Variants in ENOX1 observed in about 807,000 individuals in gnomAD.
ENOX1 encodes ecto-NOX disulfide-thiol exchanger 1.
In ENOX1, 42 loss-of-function variants were observed where a neutral mutation model predicts 82.5. The observed-to-expected ratio is 0.51, with a 90% CI of 0.40 to 0.66. The LOEUF (loss-of-function observed/expected upper bound fraction) is 0.66. Among genes scored for constraint, ENOX1 ranks in the 30% least tolerant of loss-of-function variants. The pLI, the probability that ENOX1 is intolerant of heterozygous loss-of-function variation, is 0.00. For synonymous variants in ENOX1, 271 were observed against 282.2 expected (o/e 0.96, Z 0.40); for missense variants, 608 against 811.6 (o/e 0.75, Z 3.05).
At chr13:43,616,204 A>T (rs868846599) in intron 2 of ENOX1, among the ~76,000 whole-genome samples, 258 of 15,214 alleles carry the variant, frequency 0.017, 9 homozygotes, top group African/African-American at 0.027. Flanking sequence ...ATATATATAT[A>T]TTTTTTTTTT....
chr13:43,314,638 T>C (rs2047380165), intron 11 of ENOX1, among the ~76,000 whole-genome samples: 1 of 152,258 alleles, frequency 6.6e-6, no homozygotes, highest in Non-Finnish European at 1.5e-5. Context: ...GTGTATGTTT[T>C]AATGTGGCCT....
chr13:43,261,978 T>C (rs1315484719), intron 14 of ENOX1, among the ~76,000 whole-genome samples: 1 of 151,630 alleles, frequency 6.6e-6, no homozygotes, highest in Non-Finnish European at 1.5e-5. Context: ...ACCCTAAAAC[T>C]TAAAGTATAA....
chr13:43,376,086 T>C (rs1020960093), intron 5 of ENOX1, among the ~76,000 whole-genome samples: 9 of 152,186 alleles, frequency 5.9e-5, no homozygotes, highest in African/African-American at 2.2e-4. Flanking sequence ...AAAAGAAATA[T>C]TAGCTTGGAC....
intron 2 of ENOX1, among the ~76,000 whole-genome samples, chr13:43,606,782 G>A (rs143457127): frequency 6.6e-6 from 1 of 152,168 alleles, no homozygotes; most frequent in Non-Finnish European, 1.5e-5. Context: ...TTGGGAGGCT[G>A]AAGTGGGCGA....
chr13:43,282,513 C>G (rs2045447997), intron 12 of ENOX1, among the ~76,000 whole-genome samples: 1 of 150,886 alleles, frequency 6.6e-6, no homozygotes. Flanking sequence ...AGTGGCTCGA[C>G]TGCAGCCTCG....
intron 8 of ENOX1, among the ~76,000 whole-genome samples, chr13:43,353,880 T>C (rs1180089418): frequency 1.3e-5 from 2 of 152,262 alleles, no homozygotes. Context: ...TGGCAAGGCT[T>C]GCAAATTACT....
chr13:43,759,053 A>C (rs531894214), intron 1 of ENOX1, among the ~76,000 whole-genome samples: 76 of 152,086 alleles, frequency 5.0e-4, no homozygotes, highest in Non-Finnish European at 9.9e-4. Context: ...AATGAAACAG[A>C]AAGTTAAGTA....
At chr13:43,639,809 A>T (rs2083560685) in intron 2 of ENOX1, among the ~76,000 whole-genome samples, 2 of 152,180 alleles carry the variant, frequency 1.3e-5, no homozygotes, top group Admixed American at 1.3e-4. Flanking sequence ...CTGGTGGATC[A>T]CTTGAGGCCA....
At chr13:43,702,265 T>G (rs1217081025) in intron 1 of ENOX1, among the ~76,000 whole-genome samples, 1 of 152,174 alleles carries the variant, frequency 6.6e-6, no homozygotes, top group Non-Finnish European at 1.5e-5. Context: ...TGTTGAGGTT[T>G]AAATAGATAG....
intron 3 of ENOX1, among the ~76,000 whole-genome samples, chr13:43,445,205 G>A: frequency 6.7e-6 from 1 of 149,056 alleles, no homozygotes; most frequent in Admixed American, 6.8e-5. Flanking sequence ...CTCACTGCAA[G>A]CTCCACCTCC....
intron 2 of ENOX1, among the ~76,000 whole-genome samples, chr13:43,512,583 C>T (rs2077408880): frequency 6.7e-6 from 1 of 148,844 alleles, no homozygotes; most frequent in Non-Finnish European, 1.5e-5. Context: ...GTTAGAAGTA[C>T]ATTTTTAGAA....
At chr13:43,223,468 A>AT (rs2041887391) in intron 16 of ENOX1, among the ~76,000 whole-genome samples, 1 of 152,108 alleles carries the variant, frequency 6.6e-6, no homozygotes, top group Non-Finnish European at 1.5e-5. Context: ...GAGTACAGCT[A>AT]ATTTGTGGAT....
At chr13:43,495,601 T>C (rs1242930088) in intron 2 of ENOX1, among the ~76,000 whole-genome samples, 1 of 148,444 alleles carries the variant, frequency 6.7e-6, no homozygotes, top group Non-Finnish European at 1.5e-5. Flanking sequence ...TCTATGGTCA[T>C]TTGGCTTGAT....
Position 43,385,274 on chromosome 13 carries a change from C to T in ENOX1, c.209-23822G>A, listed in dbSNP as rs191313190. Among the ~76,000 whole-genome samples, 227 of 152,180 alleles carry T rather than the reference C, an allele frequency of 1.5e-3. 1 individual carries two copies. The highest frequency in any genetic ancestry group is 5.2e-3 in the African/African-American group (214 of 41,514). On this transcript the variant is annotated intron_variant, in intron 5 of 16. Coordinates refer to ENST00000690772, the MANE Select transcript of ENOX1 (RefSeq NM_001347969.2). ...TTGAGAGGAAACTTATAATCATTAA[C>T]TTTTATATTGAGCAACAATTCTATA... is the stretch of plus-strand genomic sequence containing the variant.
chr13:43,244,474 A>G (rs2042985422), intron 14 of ENOX1, among the ~76,000 whole-genome samples: 1 of 152,118 alleles, frequency 6.6e-6, no homozygotes, highest in African/African-American at 2.4e-5. Flanking sequence ...AATAGTGGAT[A>G]TTTTCTATTT....
At chr13:43,228,798 G>A (rs1041903015) in intron 15 of ENOX1, among the ~76,000 whole-genome samples, 2 of 152,168 alleles carry the variant, frequency 1.3e-5, no homozygotes, top group African/African-American at 4.8e-5. Flanking sequence ...TATTCCAGGT[G>A]AGCAACACAG....
At position 43,571,215 on chromosome 13, in the gene ENOX1, G is replaced by A. The variant is rs533062896; in HGVS notation, c.-218-87063C>T. Among the ~76,000 whole-genome samples, 11 of 152,224 alleles carry A rather than the reference G, an allele frequency of 7.2e-5. No homozygotes were observed. In the East Asian group the frequency reaches 1.9e-3, roughly 27 times the overall value. On this transcript the variant is annotated intron_variant, in intron 2 of 16. Transcript: ENST00000690772. ...ACTGGGGGCTCAGTTTACATAGAAG[G>A]GAGTTGTATTAAGTCCAAGTGGTCA...
chr13:43,248,505 T>C (rs2043267596), intron 14 of ENOX1, among the ~76,000 whole-genome samples: 2 of 152,062 alleles, frequency 1.3e-5, no homozygotes, highest in Admixed American at 6.6e-5. Context: ...AAGTTAATTT[T>C]TCATTTGTAT....
At chr13:43,614,403 C>G (rs2082320070) in intron 2 of ENOX1, among the ~76,000 whole-genome samples, 2 of 152,162 alleles carry the variant, frequency 1.3e-5, no homozygotes, top group African/African-American at 4.8e-5. Context: ...AGGAACTGAA[C>G]AACTCTGAGG....
Sources: allele counts gnomAD v4.1 joint callset (sites outside exome capture counted in the v4.1 genomes callset), GRCh38; gene constraint gnomAD v4.1.1; transcripts MANE v1.5; gene names NCBI Gene and HGNC (gene_info 2026-07-23, HGNC 2026-07-21).